SH3BP4: variants seen among roughly 807,000 people sequenced by gnomAD.
The protein encoded by SH3BP4 is SH3 domain binding protein 4.
A neutral mutation model predicts 65.5 loss-of-function variants in SH3BP4; 33 were observed. The ratio of observed to expected loss-of-function variants is 0.50; its 90% CI spans 0.38 to 0.67. SH3BP4 has a LOEUF of 0.67. SH3BP4 is among the 30% of genes least tolerant of loss of function. The probability of loss-of-function intolerance (pLI) is 0.00; values close to 1 mark genes in which losing one functional copy is unlikely to be tolerated. For synonymous variants in SH3BP4, 552 were observed against 545.5 expected (o/e 1.01, Z -0.17); for missense variants, 1,134 against 1,261.4 (o/e 0.90, Z 1.53).
chr2:234,954,341 G>C (rs531648071), intron 1 of SH3BP4, among the ~76,000 whole-genome samples: 3 of 152,142 alleles, frequency 2.0e-5, no homozygotes, highest in African/African-American at 7.2e-5. Context: ...AAGTAATCAG[G>C]GTAGAAGATC....
chr2:235,038,901 G>GT (rs1459575232), intron 3 of SH3BP4, among the ~76,000 whole-genome samples: 1 of 152,170 alleles, frequency 6.6e-6, no homozygotes, highest in Non-Finnish European at 1.5e-5. Flanking sequence ...GTGGTTGGTG[G>GT]TAAGAGCTAT....
At chr2:234,998,742 C>T (rs1358670141) in intron 2 of SH3BP4, among the ~76,000 whole-genome samples, 1 of 152,218 alleles carries the variant, frequency 6.6e-6, no homozygotes, top group Non-Finnish European at 1.5e-5. Context: ...CCTCTGGCTA[C>T]CACTAATTGG....
chr2:234,965,179 G>C (rs1692808021), intron 1 of SH3BP4, among the ~76,000 whole-genome samples: 1 of 152,170 alleles, frequency 6.6e-6, no homozygotes, highest in Non-Finnish European at 1.5e-5. Context: ...TTTCATCCCA[G>C]AGAGAAAAAA....
chr2:234,968,579 G>T (rs1005813764), intron 1 of SH3BP4, among the ~76,000 whole-genome samples: 14 of 151,984 alleles, frequency 9.2e-5, no homozygotes, highest in African/African-American at 2.9e-4. Flanking sequence ...GGGACACGGG[G>T]TTTCAGATAG....
At chr2:235,044,640 C>T (rs1003672318) in intron 4 of SH3BP4, among the ~76,000 whole-genome samples, 2 of 152,252 alleles carry the variant, frequency 1.3e-5, no homozygotes, top group Admixed American at 6.5e-5. Context: ...TCTTGGTGCC[C>T]GGCCTTTCTG....
At chr2:235,038,249 T>TATAATATATAG (rs766333800) in intron 3 of SH3BP4, among the ~76,000 whole-genome samples, 1 of 34,422 alleles carries the variant, frequency 2.9e-5, no homozygotes, top group East Asian at 9.9e-4. Context: ...TATATATATA[T>TATAATATATAG]TATATATAAT....
chr2:234,988,338 C>T (rs373099797), intron 1 of SH3BP4, among the ~76,000 whole-genome samples: 3 of 152,274 alleles, frequency 2.0e-5, no homozygotes, highest in Admixed American at 1.3e-4. Context: ...GGATTACAGG[C>T]GTGAGCCACC....
intron 2 of SH3BP4, among the ~76,000 whole-genome samples, chr2:235,006,208 A>C (rs1186816402): frequency 6.6e-6 from 1 of 152,232 alleles, no homozygotes; most frequent in African/African-American, 2.4e-5. Flanking sequence ...GATGGGAGTC[A>C]GCCTTGGTCT....
At chr2:235,024,274 T>G (rs1020716361) in intron 2 of SH3BP4, among the ~76,000 whole-genome samples, 17 of 152,214 alleles carry the variant, frequency 1.1e-4, no homozygotes, top group African/African-American at 4.1e-4. Context: ...TGCAAAGTCA[T>G]CTCTCCTAAG....
rs930168356 is a variant in SH3BP4 at position 235,053,447 on chromosome 2, C to A, written c.2668-145C>A. 4 of 653,808 alleles carry A rather than the reference C, an allele frequency of 6.1e-6. No homozygotes were observed. In the East Asian group the frequency reaches 8.2e-5, roughly 13 times the overall value. The allele number at this position is 653,808 out of a possible 1,614,324, so 40.5% of individuals were successfully genotyped here. ...TGGCCCCGAGATGGTTCCACTGTTT[C>A]TTCTGTGGGCTTGTCTCACTCGTGA... On this transcript the variant is annotated intron_variant, in intron 5 of 5. Transcript: ENST00000392011.
At chr2:235,023,865 A>AGC (rs1261782720) in intron 2 of SH3BP4, among the ~76,000 whole-genome samples, 4 of 152,140 alleles carry the variant, frequency 2.6e-5, no homozygotes, top group Non-Finnish European at 5.9e-5. Flanking sequence ...GTTTCTGGAG[A>AGC]TTCGGTGCCC....
intron 1 of SH3BP4, chr2:234,953,056 T>A (rs910615646): frequency 1.3e-5 from 2 of 152,242 alleles, no homozygotes; most frequent in East Asian, 3.9e-4. Context: ...CAGAGGGTCG[T>A]GGAGCCTGAT....
At chr2:235,024,372 C>T (rs1442769721) in intron 2 of SH3BP4, among the ~76,000 whole-genome samples, 1 of 152,178 alleles carries the variant, frequency 6.6e-6, no homozygotes, top group Admixed American at 6.5e-5. Flanking sequence ...TTCAGCAGAT[C>T]CACTGGGTGG....
chr2:234,990,870 G>A (rs188593916), intron 1 of SH3BP4, among the ~76,000 whole-genome samples: 162 of 152,272 alleles, frequency 1.1e-3, no homozygotes, highest in Non-Finnish European at 1.9e-3. Context: ...TTCTCCCTTA[G>A]CATCTGGGGG....
intron 1 of SH3BP4, among the ~76,000 whole-genome samples, chr2:234,970,270 A>C (rs1463507776): frequency 1.3e-5 from 2 of 152,236 alleles, no homozygotes; most frequent in Non-Finnish European, 2.9e-5. Flanking sequence ...TTAAATGTAG[A>C]GAAGCCTTAA....
At chr2:235,029,003 G>T (rs908274490) in intron 2 of SH3BP4, among the ~76,000 whole-genome samples, 1 of 152,170 alleles carries the variant, frequency 6.6e-6, no homozygotes, top group African/African-American at 2.4e-5. Flanking sequence ...GCCTTTGGAG[G>T]GTTTCAAACA....
Position 235,042,679 on chromosome 2 carries a change from C to A in SH3BP4, c.1910C>A (p.Ser637Tyr), listed in dbSNP as rs1342043124. 1 of 1,614,184 alleles carries A rather than the reference C, an allele frequency of 6.2e-7. No homozygotes were observed. Among genetic ancestry groups the A allele is most frequent in the East Asian group, 2.2e-5 (1 of 44,884 alleles). Residue 637 changes from serine (S) to tyrosine (Y), a missense_variant, in exon 4 of 6, where the codon TCC (serine) becomes TAC (tyrosine). Ser to Tyr is a moderately radical substitution (Grantham distance 144, BLOSUM62 -2). Coordinates refer to ENST00000392011, the MANE Select transcript of SH3BP4 (RefSeq NM_014521.3). This position sits in a 1 kb window ranked among gnomAD's most constrained non-coding sequence, Gnocchi z 7.3. Reference sequence around the variant, plus strand: ...AACGAAGTCGGGAAAATCATCCTGTCCCCGTTTGCCACCACTACAAAGTAC... The same window carrying A: ...AACGAAGTCGGGAAAATCATCCTGTACCCGTTTGCCACCACTACAAAGTAC... ...KKNEVGKIIL[S>Y]PFATTTKYPT...
chr2:235,037,390 C>A (rs1009127533), intron 3 of SH3BP4, among the ~76,000 whole-genome samples: 1 of 152,122 alleles, frequency 6.6e-6, no homozygotes, highest in African/African-American at 2.4e-5. Flanking sequence ...GGGTGATTTC[C>A]CTTGGCTAAG....
At chr2:234,966,335 C>T (rs1046071624) in intron 1 of SH3BP4, among the ~76,000 whole-genome samples, 1 of 152,184 alleles carries the variant, frequency 6.6e-6, no homozygotes, top group African/African-American at 2.4e-5. Flanking sequence ...CGCCATTGCA[C>T]TCCAGCCTGG....
Sources: allele counts gnomAD v4.1 joint callset (sites outside exome capture counted in the v4.1 genomes callset), GRCh38; gene constraint gnomAD v4.1.1; non-coding constraint Gnocchi (gnomAD v3.1); transcripts MANE v1.5; gene names NCBI Gene and HGNC (gene_info 2026-07-23, HGNC 2026-07-21).